APOB: variants seen among roughly 807,000 people sequenced by gnomAD.
APOB encodes the protein apolipoprotein B-100.
APOB carries 153 observed loss-of-function variants against 314.1 expected under a neutral mutation model. The ratio of observed to expected loss-of-function variants is 0.49; its 90% CI spans 0.43 to 0.56. The LOEUF (loss-of-function observed/expected upper bound fraction) is 0.56. Ranked by LOEUF, APOB falls within the 20% of genes least tolerant of loss-of-function variation. The pLI, the probability that APOB is intolerant of heterozygous loss-of-function variation, is 0.00. For missense variants in APOB, 5,430 were observed against 5,350.7 expected, an observed-to-expected ratio of 1.01 and a Z score of -0.46; for synonymous variants, 2,087 against 2,036.4, an observed-to-expected ratio of 1.02 and a Z score of -0.67.
In APOB at chr2:21,008,508, G is replaced by T; in HGVS notation, c.8360C>A (p.Ala2787Glu). The T allele has an allele frequency of 6.2e-7, 1 of 1,614,050 alleles. No individual in the cohort carries two copies. The highest frequency in any genetic ancestry group is 8.5e-7 in the Non-Finnish European group (1 of 1,179,968). ...IGNGTTSANE[A>E]GIAASITAKG... ...GGCAGTGATGGAAGCTGCGATACCT[G>T]CTTCGTTTGCTGAGGTGGTTCCATT... is the stretch of plus-strand genomic sequence containing the variant. Residue 2787 changes from alanine to glutamate, a missense_variant, in exon 26 of 29, where the codon GCA (alanine) becomes GAA (glutamate). Ala to Glu is a moderately radical substitution (Grantham distance 107). This residue lies in a region of APOB where 3,281 missense variants were observed against 3,171.0 expected (regional missense o/e 1.03). Coordinates refer to ENST00000233242, the MANE Select transcript of APOB (RefSeq NM_000384.3).
chr2:21,041,034 T>G lies in APOB; in HGVS notation c.287A>C (p.Gln96Pro), dbSNP rs1664120285. 6.2e-7 allele frequency: 1 copy of G among 1,613,376 alleles called. No homozygotes were observed. Among genetic ancestry groups the G allele is most frequent in the South Asian group, 1.1e-5 (1 of 90,910 alleles). ...GCCATACACCTCTTTCAGGGTGCAC[T>G]GGCTGGTCTTCAGGATGAAGCTGCA... is the stretch of plus-strand genomic sequence containing the variant. ...QLCSFILKTSQCTLKEVYGFN... is the reference protein window; with the variant it reads ...QLCSFILKTSPCTLKEVYGFN... The change falls in exon 4 of 29, where the codon CAG becomes CCG. Residue 96 changes from glutamine to proline, a missense_variant. By Grantham distance (76) the Gln-to-Pro change is moderately conservative. Coordinates refer to ENST00000233242, the MANE Select transcript of APOB (RefSeq NM_000384.3).
At position 21,043,480 on chromosome 2, in the gene APOB, C is replaced by A. The variant is rs1664183057; in HGVS notation, c.121+33G>T. On this transcript the variant is annotated intron_variant, in intron 2 of 28. Transcript: ENST00000233242. ...GTGTAGGAGAGTGCACGGGGCTGGGCGCCCTTCCACGCCCCATGCGCAGAT... is the reference window on the plus strand; with the variant it reads ...GTGTAGGAGAGTGCACGGGGCTGGGAGCCCTTCCACGCCCCATGCGCAGAT... 2.5e-6 allele frequency: 4 copies of A among 1,588,016 alleles called. No homozygotes were observed. The African/African-American group carries it at 5.4e-5, about 21-fold the overall frequency.
At chr2:21,031,887 CAAAA>C (rs1355715379) in intron 10 of APOB, among the ~76,000 whole-genome samples, 2 of 151,836 alleles carry the variant, frequency 1.3e-5, no homozygotes, top group African/African-American at 4.8e-5. Context: ...AACAAACAAA[CAAAA>C]AAATTCAGAG....
chr2:21,015,323 C>T (rs778561467), intron 22 of APOB, 47 bp downstream of exon 22: 54 of 1,612,986 alleles, frequency 3.3e-5, no homozygotes, highest in Middle Eastern at 1.6e-4. Context: ...CAGGTCTCAA[C>T]ACCTGCATTA....
In APOB at chr2:21,002,920, T is replaced by C. The variant is rs1663029417; in HGVS notation, c.12502A>G (p.Lys4168Glu). Residue 4168 changes from lysine (K) to glutamate (E), a missense_variant, in exon 29 of 29, where the codon AAG becomes GAG. Lys to Glu is a moderately conservative substitution (Grantham distance 56, BLOSUM62 1). Coordinates refer to ENST00000233242, the MANE Select transcript of APOB (RefSeq NM_000384.3). ...QEGQASFQGL[K>E]DNVFDGLVRV... ...ACCAAGCCATCAAACACGTTATCCTTGAGTCCCTGGAAACTGGCTTGGCCT... is the reference window on the plus strand; with the variant it reads ...ACCAAGCCATCAAACACGTTATCCTCGAGTCCCTGGAAACTGGCTTGGCCT... 1 of 1,613,540 alleles carries C rather than the reference T, an allele frequency of 6.2e-7. No individual in the cohort carries two copies. Among genetic ancestry groups the C allele is most frequent in the Non-Finnish European group, 8.5e-7 (1 of 1,179,738 alleles).
At chr2:21,030,211 G>C (rs1042470754) in intron 10 of APOB, among the ~76,000 whole-genome samples, 196 bp from the exon 11 acceptor site, 8 of 152,176 alleles carry the variant, frequency 5.3e-5, no homozygotes, top group Non-Finnish European at 7.3e-5. Context: ...ATACAACAAG[G>C]CTATAGTAAT....
chr2:21,019,160 G>A, intron 19 of APOB, 47 bp from the exon 20 acceptor site: 1 of 1,612,838 alleles, frequency 6.2e-7, no homozygotes, highest in Non-Finnish European at 8.5e-7. Context: ...GAGCTTTCAA[G>A]GATGGTGATT....
chr2:21,033,517 A>G lies in APOB; in HGVS notation c.906T>C (p.Gly302=). The part of the protein sequence containing the change: ...PKINSRFFGE[G]TKKMGLAFES... The stretch of plus-strand genomic sequence containing the variant: ...CAAATGCGAGGCCCATCTTCTTAGT[A>G]CCTGGAAGATGGAAAGTGTCAAAGG... Residue 302 remains glycine, a splice_region_variant and synonymous_variant, in exon 9 of 29, where the codon GGT becomes GGC. Transcript: ENST00000233242. 1.2e-6 allele frequency: 2 copies of G among 1,613,238 alleles called. No homozygotes were observed. The highest frequency in any genetic ancestry group is 1.7e-6 in the Non-Finnish European group (2 of 1,179,208).
chr2:21,037,230 G>C lies in APOB; in HGVS notation c.563C>G (p.Thr188Ser). Residue 188 changes from threonine to serine, a missense_variant, in exon 6 of 29, where the codon ACT becomes AGT. This residue lies in a region of APOB where 2,085 missense variants were observed against 2,079.7 expected (regional missense o/e 1.00). Coordinates refer to ENST00000233242, the MANE Select transcript of APOB (RefSeq NM_000384.3). ...FLDTVYGNCS[T>S]HFTVKTRKGN... Reference sequence around the variant, plus strand: ...CTTCCTCGTCTTGACGGTAAAGTGAGTGGAGCAGTTTCCATACACGGTATC... The same window carrying C: ...CTTCCTCGTCTTGACGGTAAAGTGACTGGAGCAGTTTCCATACACGGTATC... The C allele has an allele frequency of 6.2e-7, 1 of 1,614,148 alleles. No individual in the cohort carries two copies. Among genetic ancestry groups the C allele is most frequent in the Non-Finnish European group, 8.5e-7 (1 of 1,180,048 alleles).
In APOB at chr2:21,011,329, A is replaced by C; in HGVS notation, c.5539T>G (p.Leu1847Val). The change falls in exon 26 of 29, where the codon TTA becomes GTA. Residue 1847 changes from leucine (L) to valine (V), a missense_variant. By Grantham distance (32) the Leu-to-Val change is conservative (BLOSUM62 1). This residue lies in a region of APOB where 3,281 missense variants were observed against 3,171.0 expected (regional missense o/e 1.03). Transcript: ENST00000233242. The stretch of plus-strand genomic sequence containing the variant: ...GTGTCTGCTTTATAGCTTGCTGATA[A>C]GGCAGCAGAAGAGATGGCATAGATG... Reference protein sequence around the residue: ...KHIYAISSAALSASYKADTVA... With the variant: ...KHIYAISSAAVSASYKADTVA... 1 of 1,614,110 alleles carries C rather than the reference A, an allele frequency of 6.2e-7. No homozygotes were observed. Among genetic ancestry groups the C allele is most frequent in the African/African-American group, 1.3e-5 (1 of 74,954 alleles).
chr2:21,039,300 CTTG>C (rs1297584365), intron 4 of APOB, among the ~76,000 whole-genome samples: 1 of 152,216 alleles, frequency 6.6e-6, no homozygotes, highest in African/African-American at 2.4e-5. Context: ...AGATAAATAT[CTTG>C]TTGTTACATT....
At chr2:21,016,324 T>A (rs552919153) in intron 21 of APOB, 115 bp downstream of exon 21, 12 of 674,600 alleles carry the variant, frequency 1.8e-5, no homozygotes, top group Non-Finnish European at 3.2e-5. Context: ...TCTCTGCCAC[T>A]CTGATTGTAG....
chr2:21,029,066 C>T (rs1313320650), intron 12 of APOB, among the ~76,000 whole-genome samples: 1 of 152,182 alleles, frequency 6.6e-6, no homozygotes, highest in African/African-American at 2.4e-5. Context: ...TCACGTTCTG[C>T]ATGTTGACAT....
rs990156525 is a variant in APOB, at chr2:21,011,650, T to C, written c.5218A>G (p.Asn1740Asp). ...TCAGCATATGAGCCCATCATGTCAT[T>C]TGAGAGCTTAAGTCCTTCTTGACTG... is the stretch of plus-strand genomic sequence containing the variant. ...KVSQEGLKLS[N>D]DMMGSYAEMK... The change falls in exon 26 of 29, where the codon AAT (asparagine) becomes GAT (aspartate). Residue 1740 changes from asparagine (N) to aspartate (D), a missense_variant. Physicochemically the swap from Asn to Asp is conservative, Grantham distance 23. Transcript: ENST00000233242. 3.1e-6 allele frequency: 5 copies of C among 1,614,192 alleles called. No individual in the cohort carries two copies. Among genetic ancestry groups the C allele is most frequent in the Non-Finnish European group, 4.2e-6 (5 of 1,180,024 alleles).
In APOB at chr2:21,005,172, C is replaced by T. The variant is rs774429979; in HGVS notation, c.11696G>A (p.Ser3899Asn). Residue 3899 changes from serine (S) to asparagine (N), a missense_variant, in exon 26 of 29, where the codon AGT becomes AAT. Physicochemically the swap from Ser to Asn is conservative, Grantham distance 46. Coordinates refer to ENST00000233242, the MANE Select transcript of APOB (RefSeq NM_000384.3). ...VDSPVYNATWSASLKNKADYV... is the reference protein window; with the variant it reads ...VDSPVYNATWNASLKNKADYV... ...ATCTGCTTTGTTTTTCAAACTGGCA[C>T]TCCAAGTGGCATTATACACGGGAGA... The T allele has an allele frequency of 3.7e-6, 6 of 1,613,940 alleles. No homozygotes were observed. Among genetic ancestry groups the T allele is most frequent in the Non-Finnish European group, 5.1e-6 (6 of 1,179,956 alleles).
Position 21,038,100 on chromosome 2 carries a change from T to C in APOB, c.395A>G (p.Lys132Arg), listed in dbSNP as rs762667000. 6 of 1,613,964 alleles carry C rather than the reference T, an allele frequency of 3.7e-6. No homozygotes were observed. Among genetic ancestry groups the C allele is most frequent in the Non-Finnish European group, 5.1e-6 (6 of 1,180,048 alleles). ...FAAAMSRYEL[K>R]LAIPEGKQVF... ...CTGCTTCCCTTCTGGAATGGCCAGC[T>C]TGAGCTCATACCTGTCCCAGAGAGA... The change falls in exon 5 of 29, where the codon AAG becomes AGG. Residue 132 changes from lysine (K) to arginine (R), a missense_variant. By Grantham distance (26) the Lys-to-Arg change is conservative. Transcript: ENST00000233242.
chr2:21,043,808 C>G lies in APOB; in HGVS notation c.82+56G>C, dbSNP rs968303915. ...AGGCCCAGGCTGCCCCGGCCAACCT[C>G]GTGCCGCCGGCTCCCTCCCGCTCCC... is the stretch of plus-strand genomic sequence containing the variant. On this transcript the variant is annotated intron_variant, in intron 1 of 28. Coordinates refer to ENST00000233242, the MANE Select transcript of APOB (RefSeq NM_000384.3). 9 of 1,530,390 alleles carry G rather than the reference C, an allele frequency of 5.9e-6. No individual in the cohort carries two copies. The African/African-American group carries it at 1.1e-4, about 19-fold the overall frequency. The allele number at this position is 1,530,390 out of a possible 1,614,324, so 94.8% of individuals were successfully genotyped here.
At position 21,011,726 on chromosome 2, in the gene APOB, A is replaced by G. The variant is rs1416301289; in HGVS notation, c.5142T>C (p.Tyr1714=). Residue 1714 remains tyrosine, a synonymous_variant, in exon 26 of 29, where the codon TAT becomes TAC. Transcript: ENST00000233242. ...ALTELSLGSA[Y]QAMILGVDSK... ...TGTCGACACCCAGAATCATGGCCTG[A>G]TAAGCACTTCCCAGTGATAGCTCTG... 2 of 1,614,014 alleles carry G rather than the reference A, an allele frequency of 1.2e-6. No homozygotes were observed. The highest frequency in any genetic ancestry group is 8.5e-7 in the Non-Finnish European group (1 of 1,180,042).
intron 14 of APOB, among the ~76,000 whole-genome samples, chr2:21,027,463 G>A (rs1663759632): frequency 6.6e-6 from 1 of 152,100 alleles, no homozygotes; most frequent in Admixed American, 6.6e-5. Context: ...ACAGGTGCCT[G>A]CCACCACGCC....
Sources: allele counts gnomAD v4.1 joint callset (sites outside exome capture counted in the v4.1 genomes callset), GRCh38; gene constraint gnomAD v4.1.1; regional missense constraint gnomAD v4.1.1; transcripts MANE v1.5; gene names NCBI Gene and HGNC (gene_info 2026-07-23, HGNC 2026-07-21).